The following MAPK10 variants were observed in gnomAD, a reference collection of about 807,000 sequenced individuals.
MAPK10 encodes the protein JNK3 alpha protein kinase.
In MAPK10, 25 loss-of-function variants were observed where a neutral mutation model predicts 59.3. The ratio of observed to expected loss-of-function variants is 0.42; its 90% CI spans 0.31 to 0.59. The LOEUF is 0.59. Ranked by LOEUF, MAPK10 falls within the 20% of genes least tolerant of loss-of-function variation. MAPK10 has a pLI of 0.15. For missense variants in MAPK10, 351 were observed against 568.9 expected, an observed-to-expected ratio of 0.62 and a Z score of 3.90; for synonymous variants, 190 against 200.5, an observed-to-expected ratio of 0.95 and a Z score of 0.44.
intron 1 of MAPK10, among the ~76,000 whole-genome samples, chr4:86,421,990 C>G (rs533288980): frequency 6.6e-6 from 1 of 152,172 alleles, no homozygotes; most frequent in East Asian, 1.9e-4. Flanking sequence ...AGGCCTTTCA[C>G]GTGATTTCCC....
intron 1 of MAPK10, among the ~76,000 whole-genome samples, chr4:86,384,811 C>T (rs1369148975): frequency 6.6e-6 from 1 of 151,978 alleles, no homozygotes; most frequent in African/African-American, 2.4e-5. Context: ...TTTAGTAGAG[C>T]AAGAAATTAA....
intron 8 of MAPK10, chr4:86,099,015 C>A (rs975788890): frequency 3.7e-5 from 6 of 163,626 alleles, no homozygotes; most frequent in Non-Finnish European, 8.1e-5. Flanking sequence ...CTATTCTATT[C>A]AGTTACAGAG....
At chr4:86,164,770 T>C (rs1162665899) in intron 3 of MAPK10, among the ~76,000 whole-genome samples, 1 of 152,174 alleles carries the variant, frequency 6.6e-6, no homozygotes. Flanking sequence ...ATGGAGAAAG[T>C]GGCATACAGA....
At chr4:86,371,913 A>G (rs1738821739) in intron 1 of MAPK10, among the ~76,000 whole-genome samples, 1 of 152,036 alleles carries the variant, frequency 6.6e-6, no homozygotes, top group Non-Finnish European at 1.5e-5. Flanking sequence ...AGAGACTTAG[A>G]CTCCCACACA....
At position 86,289,367 on chromosome 4, in the gene MAPK10, T is replaced by C. The variant is rs527736126; in HGVS notation, c.-7+65163A>G. On this transcript the variant is annotated intron_variant, in intron 2 of 13. Coordinates refer to ENST00000641462, the MANE Select transcript of MAPK10 (RefSeq NM_138982.4). Reference sequence around the variant, plus strand: ...CAGGGAAGAGTTTTGAGCAGAAAAATTATATGATCAGATTTTTATTTTTAA... The same window carrying C: ...CAGGGAAGAGTTTTGAGCAGAAAAACTATATGATCAGATTTTTATTTTTAA... Among the ~76,000 whole-genome samples the C allele has an allele frequency of 8.8e-4, 134 of 152,038 alleles. 7 individuals carry two copies. In the South Asian group the frequency reaches 0.027, roughly 30 times the overall value.
At position 86,564,114 on chromosome 4, in the gene MAPK10, A is replaced by C. The variant is rs906181294; in HGVS notation, c.-263+29796T>G. ...CCCAAAGTTCTGGGATTACAGGCAT[A>C]AGCCACCACGCCTGGCCCAAAACTT... On this transcript the variant is annotated intron_variant, in intron 1 of 4. Coordinates refer to the MAPK10 transcript ENST00000502302. Among the ~76,000 whole-genome samples the C allele has an allele frequency of 5.9e-5, 9 of 152,258 alleles. No homozygotes were observed. The East Asian group carries it at 1.2e-3, about 20-fold the overall frequency.
At chr4:86,287,700 C>T (rs1564000877) in intron 2 of MAPK10, among the ~76,000 whole-genome samples, 1 of 152,092 alleles carries the variant, frequency 6.6e-6, no homozygotes, top group South Asian at 2.1e-4. Flanking sequence ...CTATTTAAAT[C>T]GCTACTAGAA....
chr4:86,138,985 G>GAGTCAGAAGCTTAT (rs748250296), intron 4 of MAPK10, among the ~76,000 whole-genome samples: 88 of 107,384 alleles, frequency 8.2e-4, no homozygotes, highest in East Asian at 2.5e-3. Flanking sequence ...GGGATGTGAA[G>GAGTCAGAAGCTTAT]GACCTCTTCA....
intron 2 of MAPK10, among the ~76,000 whole-genome samples, chr4:86,353,519 C>T (rs934208667): frequency 2.6e-5 from 4 of 152,054 alleles, no homozygotes; most frequent in Non-Finnish European, 5.9e-5. Context: ...TTATTTATAA[C>T]GCTCATTGAA....
Position 86,101,902 on chromosome 4 carries a change from T to A in MAPK10, c.556A>T (p.Ile186Phe). The stretch of plus-strand genomic sequence containing the variant: ...AGAGAAGGTGTTCTTACCCTGTGAA[T>A]AATTCCAGCAGAATGGAGGTGCTTA... The part of the protein sequence containing the change: ...GIKHLHSAGI[I>F]HRDLKPSNIV... Residue 186 changes from isoleucine (I) to phenylalanine (F), a missense_variant, in exon 7 of 14, where the codon ATT (isoleucine) becomes TTT (phenylalanine). By Grantham distance (21) the Ile-to-Phe change is conservative (BLOSUM62 0). Transcript: ENST00000641462. The A allele has an allele frequency of 1.2e-6, 2 of 1,614,038 alleles. No homozygotes were observed. Among genetic ancestry groups the A allele is most frequent in the South Asian group, 2.2e-5 (2 of 91,070 alleles).
intron 2 of MAPK10, among the ~76,000 whole-genome samples, chr4:86,349,687 A>C (rs1730161698): frequency 6.6e-6 from 1 of 152,220 alleles, no homozygotes; most frequent in Non-Finnish European, 1.5e-5. Context: ...AAGTGATTCT[A>C]AACAGTACTC....
At chr4:86,491,838 G>A (rs1754477160) in intron 1 of MAPK10, among the ~76,000 whole-genome samples, 1 of 152,168 alleles carries the variant, frequency 6.6e-6, no homozygotes, top group South Asian at 2.1e-4. Flanking sequence ...GAAAACTGGT[G>A]TGTGTGTGTG....
intron 4 of MAPK10, chr4:86,124,426 A>G (rs1335698095): frequency 5.9e-5 from 9 of 151,970 alleles, no homozygotes; most frequent in Admixed American, 2.0e-4. Flanking sequence ...CATACTTACT[A>G]TTGAAAAATA....
intron 2 of MAPK10, among the ~76,000 whole-genome samples, chr4:86,242,454 A>G (rs2148690845): frequency 6.6e-6 from 1 of 152,230 alleles, no homozygotes; most frequent in East Asian, 1.9e-4. Flanking sequence ...CCAGAAGGAG[A>G]GGCTAAGTCT....
chr4:86,021,665 T>C (rs1746987809), intron 13 of MAPK10, among the ~76,000 whole-genome samples: 1 of 152,196 alleles, frequency 6.6e-6, no homozygotes, highest in Non-Finnish European at 1.5e-5. Flanking sequence ...GGGGTGGTGC[T>C]CGTCGGGGAG....
chr4:86,156,655 T>C (rs2067867217), intron 4 of MAPK10, among the ~76,000 whole-genome samples: 1 of 152,018 alleles, frequency 6.6e-6, no homozygotes, highest in Admixed American at 6.6e-5. Context: ...AAGTAGAAAA[T>C]GTTCCTTGGC....
chr4:86,280,333 A>G (rs1444217558), intron 2 of MAPK10, among the ~76,000 whole-genome samples: 1 of 152,226 alleles, frequency 6.6e-6, no homozygotes, highest in Non-Finnish European at 1.5e-5. Flanking sequence ...ACAAGAGGCC[A>G]ACAAACATAA....
chr4:86,180,547 C>T (rs1021315489), intron 3 of MAPK10, among the ~76,000 whole-genome samples: 11 of 150,902 alleles, frequency 7.3e-5, no homozygotes, highest in Non-Finnish European at 1.3e-4. Context: ...GATATCTGCA[C>T]CCCCATGTTT....
At chr4:86,449,308 A>T in intron 1 of MAPK10, among the ~76,000 whole-genome samples, 1 of 152,230 alleles carries the variant, frequency 6.6e-6, no homozygotes, top group East Asian at 1.9e-4. Flanking sequence ...ACCAGCAGGT[A>T]CTAACCAAAA....
Sources: allele counts gnomAD v4.1 joint callset (sites outside exome capture counted in the v4.1 genomes callset), GRCh38; gene constraint gnomAD v4.1.1; transcripts MANE v1.5; gene names NCBI Gene and HGNC (gene_info 2026-07-23, HGNC 2026-07-21).